Variants in PDE4D observed in about 807,000 individuals in gnomAD.
PDE4D encodes phosphodiesterase 4D, also known as 3',5'-cyclic-AMP phosphodiesterase 4D.
A neutral mutation model predicts 87.4 loss-of-function variants in PDE4D; 24 were observed. That is an observed-to-expected ratio of 0.27 (90% CI 0.20 to 0.39). The LOEUF is 0.39. Among genes scored for constraint, PDE4D ranks in the 10% least tolerant of loss-of-function variants. The pLI, the probability that PDE4D is intolerant of heterozygous loss-of-function variation, is 1.00. For synonymous variants in PDE4D, 384 were observed against 383.2 expected (o/e 1.00, Z -0.02); for missense variants, 714 against 1,041.0 (o/e 0.69, Z 4.32).
chr5:59,109,555 C>A lies in PDE4D; in HGVS notation c.809-70584G>T, dbSNP rs1286986873. Among the ~76,000 whole-genome samples, 3 of 152,236 alleles carry A rather than the reference C, an allele frequency of 2.0e-5. No homozygotes were observed. The East Asian group carries it at 5.8e-4, about 29-fold the overall frequency. ...CAATTGCAGGAGGTCGCTGAATAAG[C>A]CAAGTGGGGTGGAAGCTGGGCTGAC... On this transcript the variant is annotated intron_variant, in intron 5 of 14. Transcript: ENST00000340635.
chr5:60,188,192 C>A (rs148172687), intron 1 of PDE4D: 1 of 152,284 alleles, frequency 6.6e-6, no homozygotes, highest in Non-Finnish European at 1.5e-5. Context: ...CAAGAATAAA[C>A]AGACAGCATA....
At chr5:59,828,135 T>TA (rs1036337863) in intron 1 of PDE4D, among the ~76,000 whole-genome samples, 8 of 151,002 alleles carry the variant, frequency 5.3e-5, no homozygotes, top group South Asian at 2.1e-4. Context: ...GAGGCCAAGT[T>TA]AAAAAAAAAT....
chr5:58,988,591 G>A lies in PDE4D; in HGVS notation c.1454C>T (p.Ala485Val). The part of the protein sequence containing the change: ...HVLLSTPALE[A>V]VFTDLEILAA... ...AAGAATCTCCAAATCTGTAAACACA[G>A]CCTGGAAAATCAGACAATATAGATA... The change falls in exon 11 of 15, where the codon GCT becomes GTT. Residue 485 changes from alanine (A) to valine (V), a missense_variant and splice_region_variant. Coordinates refer to ENST00000340635, the MANE Select transcript of PDE4D (RefSeq NM_001104631.2). 1 of 1,459,012 alleles carries A rather than the reference G, an allele frequency of 6.9e-7. No individual in the cohort carries two copies. Among genetic ancestry groups the A allele is most frequent in the Non-Finnish European group, 9.2e-7 (1 of 1,083,356 alleles). The allele number at this position is 1,459,012 out of a possible 1,614,324, so 90.4% of individuals were successfully genotyped here.
chr5:60,002,485 G>A (rs1041042893), intron 2 of PDE4D, among the ~76,000 whole-genome samples: 5 of 152,036 alleles, frequency 3.3e-5, no homozygotes, highest in African/African-American at 1.2e-4. Flanking sequence ...TTACAGGGCA[G>A]TATCCCTGGT....
intron 2 of PDE4D, among the ~76,000 whole-genome samples, chr5:60,018,722 A>G (rs1765758738): frequency 6.6e-6 from 1 of 152,222 alleles, no homozygotes; most frequent in African/African-American, 2.4e-5. Context: ...TTAAACCAAC[A>G]AAGATCAAAA....
chr5:60,186,592 C>A (rs1247727835), intron 1 of PDE4D, among the ~76,000 whole-genome samples: 3 of 152,038 alleles, frequency 2.0e-5, no homozygotes, highest in Non-Finnish European at 4.4e-5. Flanking sequence ...CTTGGTCAAA[C>A]CACAAAAACT....
chr5:59,747,382 A>G (rs896310951), intron 1 of PDE4D, among the ~76,000 whole-genome samples: 1 of 152,190 alleles, frequency 6.6e-6, no homozygotes, highest in Non-Finnish European at 1.5e-5. Context: ...TCACTGAAAT[A>G]TCTCATCTCT....
intron 1 of PDE4D, among the ~76,000 whole-genome samples, chr5:59,414,294 C>T (rs1793213777): frequency 6.6e-6 from 1 of 152,190 alleles, no homozygotes; most frequent in Non-Finnish European, 1.5e-5. Flanking sequence ...GAAACAGATC[C>T]ACTTGGACCC....
chr5:60,075,006 G>A (rs528378510), intron 2 of PDE4D, among the ~76,000 whole-genome samples: 39 of 152,226 alleles, frequency 2.6e-4, no homozygotes, highest in Admixed American at 1.1e-3. Context: ...CATTTACCTT[G>A]AAGGTTGGTA....
intron 1 of PDE4D, among the ~76,000 whole-genome samples, chr5:59,334,676 C>G (rs1047832072): frequency 1.3e-5 from 2 of 151,886 alleles, no homozygotes; most frequent in African/African-American, 4.8e-5. Flanking sequence ...CCCAACCAAC[C>G]CTTGGTACCA....
At chr5:60,460,337 T>C (rs1746826471) in intron 1 of PDE4D, 2 of 998,402 alleles carry the variant, frequency 2.0e-6, no homozygotes, top group African/African-American at 1.6e-5. Flanking sequence ...AAATCTATTC[T>C]GTAACCTGAT....
intron 1 of PDE4D, among the ~76,000 whole-genome samples, chr5:59,636,661 C>T (rs985489471): frequency 5.3e-5 from 8 of 152,146 alleles, no homozygotes; most frequent in African/African-American, 4.8e-5. Context: ...GGAATGGATT[C>T]CCTATTTAAT....
intron 2 of PDE4D, among the ~76,000 whole-genome samples, chr5:60,136,966 C>G (rs1385769652): frequency 2.6e-5 from 4 of 152,094 alleles, no homozygotes; most frequent in Non-Finnish European, 5.9e-5. Context: ...TCCTCTCACC[C>G]TCCTACCCTC....
At chr5:60,072,971 C>T (rs768129305) in intron 2 of PDE4D, among the ~76,000 whole-genome samples, 1 of 151,770 alleles carries the variant, frequency 6.6e-6, no homozygotes, top group Non-Finnish European at 1.5e-5. Context: ...CTTAGTATTG[C>T]CTTGGCTGTT....
chr5:59,829,917 A>G (rs1740924392), intron 1 of PDE4D, among the ~76,000 whole-genome samples: 1 of 152,014 alleles, frequency 6.6e-6, no homozygotes. Context: ...CTGGAAAGGT[A>G]GTTTTTGTTT....
At chr5:59,214,032 T>TCA (rs199738839) in intron 2 of PDE4D, among the ~76,000 whole-genome samples, 6,166 of 132,700 alleles carry the variant, frequency 0.046, 145 homozygotes, top group African/African-American at 0.06. Flanking sequence ...CATACATACT[T>TCA]CACACACACA....
intron 1 of PDE4D, among the ~76,000 whole-genome samples, chr5:59,468,369 T>C (rs530086277): frequency 8.3e-4 from 126 of 152,316 alleles, no homozygotes; most frequent in African/African-American, 2.9e-3. Flanking sequence ...TCAAAAGCCA[T>C]TTGTTCTACA....
chr5:60,069,201 C>A (rs1772447449), intron 2 of PDE4D, among the ~76,000 whole-genome samples: 1 of 152,174 alleles, frequency 6.6e-6, no homozygotes, highest in African/African-American at 2.4e-5. Context: ...TATGTTGAAT[C>A]TTTGTCTCCC....
At chr5:59,318,906 C>T (rs959447042) in intron 1 of PDE4D, among the ~76,000 whole-genome samples, 13 of 151,974 alleles carry the variant, frequency 8.6e-5, no homozygotes, top group Middle Eastern at 3.4e-3. Flanking sequence ...TTATAAACAA[C>T]GATTTGGAAA....
Sources: allele counts gnomAD v4.1 joint callset (sites outside exome capture counted in the v4.1 genomes callset), GRCh38; gene constraint gnomAD v4.1.1; transcripts MANE v1.5; gene names NCBI Gene and HGNC (gene_info 2026-07-23, HGNC 2026-07-21).